SH3GL2: variants seen among roughly 807,000 people sequenced by gnomAD.
SH3GL2 encodes SH3 domain containing GRB2 like 2, endophilin A1, also known as endophilin-A1.
In SH3GL2, 24 loss-of-function variants were observed where a neutral mutation model predicts 46.0. That is an observed-to-expected ratio of 0.52 (90% CI 0.38 to 0.73). The LOEUF (loss-of-function observed/expected upper bound fraction) is 0.73. Ranked by LOEUF, SH3GL2 falls within the 30% of genes least tolerant of loss-of-function variation. The probability of loss-of-function intolerance (pLI) is 0.00; values close to 1 mark genes in which losing one functional copy is unlikely to be tolerated. For synonymous variants in SH3GL2, 196 were observed against 147.1 expected (o/e 1.33, Z -2.40); for missense variants, 413 against 424.2 (o/e 0.97, Z 0.23).
rs10118915 is a variant in SH3GL2 at position 17,729,407 on chromosome 9, G to C, written c.46-17659G>C. On this transcript the variant is annotated intron_variant, in intron 1 of 8. Transcript: ENST00000380607. ...GATTGCAAAAATTTTCCCCCATTCC[G>C]TAGGTTGCCTGTTCATTCTGATAGT... Among the ~76,000 whole-genome samples, 727 of 151,986 alleles carry C rather than the reference G, an allele frequency of 4.8e-3. 7 individuals carry two copies. Among genetic ancestry groups the C allele is most frequent in the African/African-American group, 0.017 (684 of 41,450 alleles).
chr9:17,654,114 G>C (rs1237173185), intron 1 of SH3GL2, among the ~76,000 whole-genome samples: 2 of 152,138 alleles, frequency 1.3e-5, no homozygotes, highest in East Asian at 3.9e-4. Context: ...GACTGGGGGA[G>C]GGCAAGAAAT....
At chr9:17,643,840 G>A (rs1410956038) in intron 1 of SH3GL2, among the ~76,000 whole-genome samples, 2 of 152,156 alleles carry the variant, frequency 1.3e-5, no homozygotes, top group East Asian at 3.9e-4. Flanking sequence ...GATGATGCTG[G>A]CCTCATAAAA....
chr9:17,765,240 G>T (rs1261315422), intron 3 of SH3GL2, among the ~76,000 whole-genome samples: 1 of 131,764 alleles, frequency 7.6e-6, no homozygotes, highest in Non-Finnish European at 1.6e-5. Flanking sequence ...GTGCTTGCTG[G>T]CTTTCACATC....
intron 1 of SH3GL2, among the ~76,000 whole-genome samples, chr9:17,739,405 T>TA (rs1015431788): frequency 1.2e-4 from 18 of 152,248 alleles, no homozygotes; most frequent in African/African-American, 4.3e-4. Flanking sequence ...CCTCAAGTCT[T>TA]AGAGTCTGTT....
chr9:17,647,238 A>G (rs1563796499), intron 1 of SH3GL2, among the ~76,000 whole-genome samples: 1 of 152,236 alleles, frequency 6.6e-6, no homozygotes. Flanking sequence ...TCACTAATAT[A>G]TTTCTGTTGC....
chr9:17,668,403 C>CT (rs1820394719), intron 1 of SH3GL2, among the ~76,000 whole-genome samples: 1 of 152,170 alleles, frequency 6.6e-6, no homozygotes, highest in Non-Finnish European at 1.5e-5. Flanking sequence ...TTCTTGGCAT[C>CT]CTTGTCCGTC....
At chr9:17,692,328 A>T (rs79886837) in intron 1 of SH3GL2, among the ~76,000 whole-genome samples, 1 of 151,464 alleles carries the variant, frequency 6.6e-6, no homozygotes, top group African/African-American at 2.4e-5. Flanking sequence ...TTAAGAAACT[A>T]TTACATGTGC....
chr9:17,793,262 T>C (rs1174867178), intron 7 of SH3GL2, 105 bp from the exon 8 acceptor site: 2 of 972,934 alleles, frequency 2.1e-6, no homozygotes, highest in Non-Finnish European at 3.1e-6. Context: ...TTCATCATGG[T>C]AGCATGGTGG....
chr9:17,720,112 G>T (rs540312439), intron 1 of SH3GL2, among the ~76,000 whole-genome samples: 23 of 152,062 alleles, frequency 1.5e-4, no homozygotes, highest in Non-Finnish European at 2.8e-4. Flanking sequence ...ACTTTATTTT[G>T]CTTGATTCTC....
At chr9:17,722,205 C>A (rs1821912526) in intron 1 of SH3GL2, among the ~76,000 whole-genome samples, 1 of 151,986 alleles carries the variant, frequency 6.6e-6, no homozygotes, top group African/African-American at 2.4e-5. Context: ...TTTAAGTTAA[C>A]CTCAGATCTG....
intron 3 of SH3GL2, among the ~76,000 whole-genome samples, chr9:17,774,521 C>T (rs1468285148): frequency 1.3e-5 from 2 of 150,702 alleles, no homozygotes; most frequent in Non-Finnish European, 3.0e-5. Flanking sequence ...AACACTTATT[C>T]CTGCATCAAT....
intron 1 of SH3GL2, among the ~76,000 whole-genome samples, chr9:17,604,977 A>T (rs1818737478): frequency 1.5e-5 from 2 of 137,498 alleles, no homozygotes; most frequent in African/African-American, 2.7e-5. Flanking sequence ...TTCACAAGTC[A>T]TTTTTTTTTT....
At chr9:17,708,219 C>G (rs1821524743) in intron 1 of SH3GL2, among the ~76,000 whole-genome samples, 1 of 152,006 alleles carries the variant, frequency 6.6e-6, no homozygotes, top group African/African-American at 2.4e-5. Flanking sequence ...TTCTGGACAT[C>G]CTCATCACTG....
intron 1 of SH3GL2, among the ~76,000 whole-genome samples, chr9:17,665,562 A>G (rs1481141962): frequency 6.6e-6 from 1 of 152,098 alleles, no homozygotes. Flanking sequence ...ATACAGTGTT[A>G]TAAACTATTA....
At chr9:17,709,356 C>A (rs570350999) in intron 1 of SH3GL2, among the ~76,000 whole-genome samples, 64 of 152,042 alleles carry the variant, frequency 4.2e-4, no homozygotes, top group African/African-American at 1.5e-3. Context: ...AATTCCTAAT[C>A]GCAGATGTAA....
At chr9:17,715,915 T>C (rs548041910) in intron 1 of SH3GL2, among the ~76,000 whole-genome samples, 128 of 152,144 alleles carry the variant, frequency 8.4e-4, no homozygotes, top group Non-Finnish European at 1.6e-3. Flanking sequence ...TCTCATGCAG[T>C]TTATTGAATA....
Position 17,605,394 on chromosome 9 carries a change from C to T in SH3GL2, c.45+26107C>T, listed in dbSNP as rs115224973. ...ACCTACTTCCAGAGGAAGACTTCAT[C>T]CGAAATTGAGATGACCAGGGAGGTC... is the stretch of plus-strand genomic sequence containing the variant. On this transcript the variant is annotated intron_variant, in intron 1 of 8. Coordinates refer to ENST00000380607, the MANE Select transcript of SH3GL2 (RefSeq NM_003026.5). 4.1e-3 allele frequency among the ~76,000 whole-genome samples: 618 copies of T among 152,216 alleles called. 6 individuals carry two copies. The highest frequency in any genetic ancestry group is 0.014 in the African/African-American group (570 of 41,530).
chr9:17,679,394 A>C (rs911634067), intron 1 of SH3GL2, among the ~76,000 whole-genome samples: 2 of 152,146 alleles, frequency 1.3e-5, no homozygotes, highest in Non-Finnish European at 1.5e-5. Context: ...CTTTGAAGCA[A>C]CTTTGAATGG....
At chr9:17,694,089 A>G (rs1821147716) in intron 1 of SH3GL2, among the ~76,000 whole-genome samples, 1 of 152,174 alleles carries the variant, frequency 6.6e-6, no homozygotes, top group Admixed American at 6.6e-5. Flanking sequence ...TTCAGAAAGA[A>G]AAAATCCTGG....
Sources: allele counts gnomAD v4.1 joint callset (sites outside exome capture counted in the v4.1 genomes callset), GRCh38; gene constraint gnomAD v4.1.1; transcripts MANE v1.5; gene names NCBI Gene and HGNC (gene_info 2026-07-23, HGNC 2026-07-21).